GPHN: variants seen among roughly 807,000 people sequenced by gnomAD.
The protein encoded by GPHN is gephyrin.
In GPHN, 17 loss-of-function variants were observed where a neutral mutation model predicts 95.5. That is an observed-to-expected ratio of 0.18 (90% CI 0.12 to 0.27). The LOEUF is 0.27. Ranked by LOEUF, GPHN falls within the 10% of genes least tolerant of loss-of-function variation. The pLI, the probability that GPHN is intolerant of heterozygous loss-of-function variation, is 1.00. For missense variants in GPHN, 660 were observed against 978.1 expected (o/e 0.67, Z 4.34); for synonymous variants, 320 against 322.5 (o/e 0.99, Z 0.08).
intron 2 of GPHN, among the ~76,000 whole-genome samples, chr14:66,703,840 G>A (rs995852616): frequency 6.6e-6 from 1 of 151,912 alleles, no homozygotes; most frequent in Non-Finnish European, 1.5e-5. Context: ...ACACAGATTG[G>A]CAAATTAATA....
At chr14:67,229,872 A>G in the GPHN span, among the ~76,000 whole-genome samples, 2 of 152,164 alleles carry the variant, frequency 1.3e-5, no homozygotes, top group African/African-American at 2.4e-5. Context: ...GAGAAAAACC[A>G]TCTACCTAGT....
At chr14:66,788,793 A>T (rs2059873826) in intron 3 of GPHN, among the ~76,000 whole-genome samples, 1 of 152,096 alleles carries the variant, frequency 6.6e-6, no homozygotes, top group Admixed American at 6.5e-5. Context: ...AGTAGCTGGA[A>T]TTACAGGCGC....
chr14:67,628,948 T>C, the GPHN span, among the ~76,000 whole-genome samples: 750 of 152,292 alleles, frequency 4.9e-3, 36 homozygotes, highest in East Asian at 0.083. Context: ...GTATTAACAA[T>C]AGCCAAAAGG....
chr14:67,583,738 C>G, the GPHN span: 1 of 1,608,284 alleles, frequency 6.2e-7, no homozygotes, highest in South Asian at 1.1e-5. Flanking sequence ...GCTTCTACCA[C>G]AGGTAGAATA....
Position 66,685,054 on chromosome 14 carries a change from T to C in GPHN, c.143+3869T>C, listed in dbSNP as rs1385418056. On this transcript the variant is annotated intron_variant, in intron 2 of 22. Coordinates refer to ENST00000478722, the MANE Select transcript of GPHN (RefSeq NM_020806.5). ...TGAGAATGATGGTTTCCAACTTCAT[T>C]CATGTCCCTACAAAGGACGTGAACT... 3.9e-5 allele frequency among the ~76,000 whole-genome samples: 6 copies of C among 152,162 alleles called. No homozygotes were observed. The East Asian group carries it at 7.7e-4, about 20-fold the overall frequency.
intron 4 of GPHN, among the ~76,000 whole-genome samples, chr14:66,825,519 C>A (rs957900894): frequency 7.2e-5 from 11 of 152,186 alleles, no homozygotes; most frequent in African/African-American, 2.6e-4. Context: ...CTTGACCCCC[C>A]ACCCCTAGAG....
At chr14:67,130,762 A>G (rs1376979878) in intron 17 of GPHN, among the ~76,000 whole-genome samples, 1 of 152,118 alleles carries the variant, frequency 6.6e-6, no homozygotes, top group Admixed American at 6.5e-5. Context: ...CCTCACCAAG[A>G]TCTATTATTT....
At chr14:67,579,369 A>G in the GPHN span, 1 of 1,331,984 alleles carries the variant, frequency 7.5e-7, no homozygotes, top group East Asian at 2.7e-5. Context: ...TCCAGAGAAT[A>G]CCCCTGGGCC....
intron 17 of GPHN, among the ~76,000 whole-genome samples, chr14:67,123,548 C>T (rs1193873919): frequency 6.6e-6 from 1 of 152,134 alleles, no homozygotes; most frequent in African/African-American, 2.4e-5. Flanking sequence ...TGGTGGTACA[C>T]ATCTGTAATC....
At chr14:67,555,875 C>T in the GPHN span, 4,134 of 1,613,500 alleles carry the variant, frequency 2.6e-3, 77 homozygotes, top group African/African-American at 0.046. Flanking sequence ...GAGCAGAGAA[C>T]GCTGAGACCC....
chr14:67,199,831 AC>A, the GPHN span: 22 of 1,495,976 alleles, frequency 1.5e-5, no homozygotes, highest in Non-Finnish European at 2.0e-5. Context: ...CACCTGGGAT[AC>A]CCCCAGCCAT....
chr14:66,736,305 TG>T (rs984872533), intron 2 of GPHN, among the ~76,000 whole-genome samples: 32 of 152,288 alleles, frequency 2.1e-4, no homozygotes, highest in African/African-American at 7.2e-4. Context: ...AATTGTATTT[TG>T]GTCACCTACA....
chr14:67,101,401 A>G (rs921509687), intron 13 of GPHN, among the ~76,000 whole-genome samples: 1 of 152,118 alleles, frequency 6.6e-6, no homozygotes, highest in Non-Finnish European at 1.5e-5. Context: ...CACATTGGAA[A>G]TACAAGTCCA....
chr14:67,600,248 C>T, the GPHN span: 9 of 1,472,256 alleles, frequency 6.1e-6, no homozygotes, highest in South Asian at 2.7e-5. Context: ...CTGCACTGCG[C>T]TCGCCGGCCC....
At chr14:67,069,736 C>G (rs959009725) in intron 11 of GPHN, among the ~76,000 whole-genome samples, 2 of 152,196 alleles carry the variant, frequency 1.3e-5, no homozygotes, top group Non-Finnish European at 2.9e-5. Flanking sequence ...GCATCTGGAT[C>G]CTGTATGCAT....
chr14:66,621,919 G>A lies in GPHN; in HGVS notation c.65-59188G>A, dbSNP rs1010056660. On this transcript the variant is annotated intron_variant, in intron 1 of 22. Transcript: ENST00000478722. ...GCTTTTCCAGGCACACAGTGCTGTCGGTGGATCTGCCATTATGGGGTCTGG... is the reference window on the plus strand; with the variant it reads ...GCTTTTCCAGGCACACAGTGCTGTCAGTGGATCTGCCATTATGGGGTCTGG... 4.6e-5 allele frequency among the ~76,000 whole-genome samples: 7 copies of A among 152,094 alleles called. 1 individual carries two copies. The highest frequency in any genetic ancestry group is 1.0e-4 in the Non-Finnish European group (7 of 68,020).
At chr14:67,380,827 A>T in the GPHN span, 1 of 869,448 alleles carries the variant, frequency 1.2e-6, no homozygotes, top group Non-Finnish European at 1.7e-6. Context: ...CTATTAAATA[A>T]TGAGACTTAC....
chr14:67,404,249 G>A, the GPHN span, among the ~76,000 whole-genome samples: 1 of 152,156 alleles, frequency 6.6e-6, no homozygotes, highest in African/African-American at 2.4e-5. Flanking sequence ...TTCAAGGTCA[G>A]ACTCCACAGT....
intron 8 of GPHN, among the ~76,000 whole-genome samples, chr14:66,940,606 T>C (rs1438422857): frequency 1.3e-5 from 2 of 152,226 alleles, no homozygotes; most frequent in Non-Finnish European, 2.9e-5. Flanking sequence ...ATTTATGCGA[T>C]GGATACTAGC....
Sources: allele counts gnomAD v4.1 joint callset (sites outside exome capture counted in the v4.1 genomes callset), GRCh38; gene constraint gnomAD v4.1.1; transcripts MANE v1.5; gene names NCBI Gene and HGNC (gene_info 2026-07-23, HGNC 2026-07-21).